PTP4A1: variants seen among roughly 807,000 people sequenced by gnomAD.
The protein encoded by PTP4A1 is protein tyrosine phosphatase 4A1, also known as protein tyrosine phosphatase type IVA 1.
In PTP4A1, 9 loss-of-function variants were observed where a neutral mutation model predicts 20.5. That is an observed-to-expected ratio of 0.44 (90% CI 0.26 to 0.77). PTP4A1 has a LOEUF of 0.77. PTP4A1 is among the 30% of genes least tolerant of loss of function. The pLI is 0.19. For synonymous variants in PTP4A1, 78 were observed against 67.4 expected, an observed-to-expected ratio of 1.16 and a Z score of -0.77; for missense variants, 137 against 218.8, an observed-to-expected ratio of 0.63 and a Z score of 2.36.
chr6:63,553,885 G>A (rs1394319057), intron 3 of PTP4A1, among the ~76,000 whole-genome samples: 2 of 152,120 alleles, frequency 1.3e-5, no homozygotes, highest in Admixed American at 1.3e-4. Flanking sequence ...TATTCAAAAG[G>A]TTATGGCTAC....
chr6:63,554,326 T>G (rs1441951160), intron 3 of PTP4A1, among the ~76,000 whole-genome samples: 2 of 152,236 alleles, frequency 1.3e-5, no homozygotes, highest in Non-Finnish European at 2.9e-5. Context: ...ATCATAATAC[T>G]GGGAGTATCT....
rs1033923183 is a variant in PTP4A1 at position 63,576,802 on chromosome 6, C to A, written c.-79C>A. The A allele has an allele frequency of 2.6e-6, 3 of 1,145,892 alleles. No homozygotes were observed. Among genetic ancestry groups the A allele is most frequent in the Non-Finnish European group, 3.8e-6 (3 of 785,858 alleles). 71.0% of individuals were successfully genotyped at this position (1,145,892 alleles called of 1,614,324 possible). A position where few individuals can be genotyped will look rare whatever the true frequency, so the allele number is the denominator to read the frequency against. ...AAGTGGAGTATATTGAAGTAGACTTCAGTTTCTTTGCATCATTTCTGTATT... is the reference window on the plus strand; with the variant it reads ...AAGTGGAGTATATTGAAGTAGACTTAAGTTTCTTTGCATCATTTCTGTATT... On this transcript the variant is annotated 5_prime_UTR_variant, in exon 2 of 6. Transcript: ENST00000626021.
chr6:63,564,404 GT>G (rs1216380722), intron 3 of PTP4A1, among the ~76,000 whole-genome samples: 2 of 152,062 alleles, frequency 1.3e-5, no homozygotes, highest in Non-Finnish European at 2.9e-5. Flanking sequence ...AACATCCCTA[GT>G]TAAAAAGCAA....
intron 5 of PTP4A1, 24 bp from the exon 6 acceptor site, chr6:63,580,033 A>ATTTTTT: frequency 7.2e-7 from 1 of 1,385,472 alleles, no homozygotes; most frequent in Non-Finnish European, 1.0e-6. Flanking sequence ...GCCTTGTTTC[A>ATTTTTT]TTTTTTTTTT....
intron 1 of PTP4A1, among the ~76,000 whole-genome samples, chr6:63,523,367 T>C (rs1450564973): frequency 1.3e-5 from 2 of 152,138 alleles, no homozygotes; most frequent in East Asian, 1.9e-4. Context: ...ACCCTGTCTC[T>C]ACTAGAAAAC....
At chr6:63,565,742 C>T (rs1777166184) in intron 3 of PTP4A1, among the ~76,000 whole-genome samples, 1 of 152,152 alleles carries the variant, frequency 6.6e-6, no homozygotes, top group Admixed American at 6.5e-5. Flanking sequence ...ATTTCTGTGT[C>T]TAAATTTCCC....
intron 2 of PTP4A1, 108 bp from the exon 3 acceptor site, chr6:63,578,329 C>G (rs1014483480): frequency 3.2e-6 from 4 of 1,251,618 alleles, no homozygotes; most frequent in Non-Finnish European, 2.1e-6. Flanking sequence ...TTTAAATGAT[C>G]TTCTGTTAAC....
intron 2 of PTP4A1, among the ~76,000 whole-genome samples, chr6:63,547,344 C>A (rs1776236463): frequency 6.6e-6 from 1 of 151,522 alleles, no homozygotes; most frequent in South Asian, 2.1e-4. Context: ...CATGTGCCAC[C>A]ATGCCTAGCT....
intron 3 of PTP4A1, among the ~76,000 whole-genome samples, chr6:63,566,938 T>C (rs1460150432): frequency 6.6e-6 from 1 of 152,216 alleles, no homozygotes; most frequent in Non-Finnish European, 1.5e-5. Context: ...TCACCAGCAG[T>C]AGATTCTATC....
chr6:63,520,524 G>A (rs1300750114), upstream of PTP4A1, among the ~76,000 whole-genome samples: 1 of 152,048 alleles, frequency 6.6e-6, no homozygotes, highest in East Asian at 1.9e-4. Context: ...CTACTCGGGA[G>A]GCTGAGGTAG....
intron 2 of PTP4A1, among the ~76,000 whole-genome samples, chr6:63,531,521 T>C (rs1210911037): frequency 6.7e-6 from 1 of 150,092 alleles, no homozygotes; most frequent in African/African-American, 2.4e-5. Context: ...GCTTTTTTTT[T>C]TTTTTTTTTT....
rs1280772092 is a variant in PTP4A1, at chr6:63,582,849, C to T, written c.*2675C>T. 6.6e-6 allele frequency: 1 copy of T among 152,208 alleles called. No individual in the cohort carries two copies. The highest frequency in any genetic ancestry group is 6.5e-5 in the Admixed American group (1 of 15,272). The allele number at this position is 152,208 out of a possible 1,614,324, so 9.4% of individuals were successfully genotyped here. On this transcript the variant is annotated 3_prime_UTR_variant, in exon 6 of 6. Coordinates refer to ENST00000626021, the MANE Select transcript of PTP4A1 (RefSeq NM_003463.5). ...CCCTAGGGCATTGCTCTCCTATTCC[C>T]ACGCCTTAACACAGCTCTATACCTA...
intron 3 of PTP4A1, among the ~76,000 whole-genome samples, chr6:63,550,838 C>G (rs546871612): frequency 6.6e-6 from 1 of 152,240 alleles, no homozygotes; most frequent in South Asian, 2.1e-4. Context: ...GTTGGCCAGG[C>G]CAGTCTCAAA....
chr6:63,555,516 G>A (rs1776640057), intron 3 of PTP4A1, among the ~76,000 whole-genome samples: 1 of 152,016 alleles, frequency 6.6e-6, no homozygotes, highest in Non-Finnish European at 1.5e-5. Context: ...CAGTGTAGCT[G>A]CTGCTGCAAT....
intron 3 of PTP4A1, among the ~76,000 whole-genome samples, chr6:63,566,256 T>A (rs1184366496): frequency 6.6e-6 from 1 of 152,194 alleles, no homozygotes; most frequent in Non-Finnish European, 1.5e-5. Context: ...AAACATTTAT[T>A]AAAGGAACTT....
chr6:63,570,880 T>C (rs1265127082), upstream of PTP4A1: 4 of 152,224 alleles, frequency 2.6e-5, no homozygotes, highest in Admixed American at 2.6e-4. Flanking sequence ...TAAAAGTTTT[T>C]AGTTCTTATA....
intron 3 of PTP4A1, among the ~76,000 whole-genome samples, chr6:63,560,649 C>T (rs1440919004): frequency 6.6e-6 from 1 of 151,978 alleles, no homozygotes; most frequent in Non-Finnish European, 1.5e-5. Flanking sequence ...GGTGATCTGC[C>T]CACCTCAGCC....
upstream of PTP4A1, chr6:63,572,257 C>T (rs1029509537): frequency 8.4e-5 from 15 of 177,586 alleles, no homozygotes; most frequent in Non-Finnish European, 8.2e-5. Flanking sequence ...CGGAGCACTC[C>T]CGGCAGCCCC....
chr6:63,551,739 A>G (rs1581929634), intron 3 of PTP4A1, among the ~76,000 whole-genome samples: 1 of 121,756 alleles, frequency 8.2e-6, no homozygotes, highest in Non-Finnish European at 1.6e-5. Flanking sequence ...TCCTGTGTCC[A>G]TGTGTTCTCA....
Sources: allele counts gnomAD v4.1 joint callset (sites outside exome capture counted in the v4.1 genomes callset), GRCh38; gene constraint gnomAD v4.1.1; transcripts MANE v1.5; gene names NCBI Gene and HGNC (gene_info 2026-07-23, HGNC 2026-07-21).